Variants in DDC observed in about 807,000 individuals in gnomAD.
DDC encodes the protein dopa decarboxylase, also known as aromatic-L-amino-acid decarboxylase.
A neutral mutation model predicts 60.0 loss-of-function variants in DDC; 43 were observed. The ratio of observed to expected loss-of-function variants is 0.72; its 90% CI spans 0.56 to 0.92. The LOEUF (loss-of-function observed/expected upper bound fraction) is 0.92. Ranked by LOEUF, DDC falls within the 40% of genes least tolerant of loss-of-function variation. The probability of loss-of-function intolerance (pLI) is 0.00; values close to 1 mark genes in which losing one functional copy is unlikely to be tolerated. For synonymous variants in DDC, 232 were observed against 234.6 expected (o/e 0.99, Z 0.10); for missense variants, 573 against 620.2 (o/e 0.92, Z 0.81).
chr7:50,517,257 T>C (rs922445567), intron 6 of DDC, among the ~76,000 whole-genome samples: 10 of 152,186 alleles, frequency 6.6e-5, no homozygotes, highest in African/African-American at 2.4e-4. Context: ...GATGCAGGGA[T>C]GGTTTAATGT....
At chr7:50,482,752 T>C (rs558684883) in intron 9 of DDC, among the ~76,000 whole-genome samples, 1 of 152,340 alleles carries the variant, frequency 6.6e-6, no homozygotes, top group Admixed American at 6.5e-5. Flanking sequence ...CTGAACAGGT[T>C]TGGATATGTT....
chr7:50,494,581 A>ACACT (rs1425432500), intron 9 of DDC, among the ~76,000 whole-genome samples: 1 of 151,300 alleles, frequency 6.6e-6, no homozygotes, highest in Non-Finnish European at 1.5e-5. Flanking sequence ...ACAGAGTGAG[A>ACACT]CACTGTCTCG....
chr7:50,510,127 A>G (rs979379604), intron 6 of DDC, among the ~76,000 whole-genome samples: 5 of 152,034 alleles, frequency 3.3e-5, no homozygotes, highest in Non-Finnish European at 7.4e-5. Context: ...GACTGCCACC[A>G]TGCCCGGCTA....
chr7:50,545,555 C>T (rs1170584533), intron 1 of DDC, among the ~76,000 whole-genome samples: 1 of 152,332 alleles, frequency 6.6e-6, no homozygotes, highest in East Asian at 1.9e-4. Flanking sequence ...TCACTGCAAC[C>T]TCTGCCTCCC....
chr7:50,528,285 A>T lies in DDC; in HGVS notation c.571-5T>A. 10 of 1,614,038 alleles carry T rather than the reference A, an allele frequency of 6.2e-6. No homozygotes were observed. The highest frequency in any genetic ancestry group is 7.6e-6 in the Non-Finnish European group (9 of 1,179,950). ...TCTTTCCACTGAGGAGTGTGCCTGG[A>T]AAGAAGACAGCAGAGTTGGATTTGT... On this transcript the variant is annotated splice_region_variant and splice_polypyrimidine_tract_variant and intron_variant, in intron 5 of 14. Coordinates refer to ENST00000444124, the MANE Select transcript of DDC (RefSeq NM_001082971.2).
chr7:50,470,212 T>C (rs374931482), intron 11 of DDC, 41 bp from the exon 12 acceptor site: 1 of 1,445,956 alleles, frequency 6.9e-7, no homozygotes, highest in South Asian at 1.1e-5. Flanking sequence ...GAGGAAGATA[T>C]TAAAAGCTGG....
intron 4 of DDC, 89 bp downstream of exon 4, chr7:50,537,771 A>C: frequency 4.6e-6 from 7 of 1,514,242 alleles, no homozygotes; most frequent in Non-Finnish European, 6.4e-6. Flanking sequence ...AACTAACAAG[A>C]AGCATGAGTG....
intron 9 of DDC, among the ~76,000 whole-genome samples, chr7:50,493,466 C>G (rs1421072026): frequency 6.6e-6 from 1 of 152,216 alleles, no homozygotes; most frequent in Non-Finnish European, 1.5e-5. Context: ...TCCTTCCGAA[C>G]TCCAGCCACC....
At chr7:50,473,315 C>T (rs2042573681) in intron 11 of DDC, among the ~76,000 whole-genome samples, 1 of 152,168 alleles carries the variant, frequency 6.6e-6, no homozygotes, top group Non-Finnish European at 1.5e-5. Flanking sequence ...TACTCACACC[C>T]GGCCAACTTG....
chr7:50,481,025 G>A (rs1243314437), intron 9 of DDC, among the ~76,000 whole-genome samples: 5 of 152,278 alleles, frequency 3.3e-5, no homozygotes, highest in Middle Eastern at 6.8e-3. Flanking sequence ...AGCAAATAAA[G>A]TATCCTAAGG....
At chr7:50,497,293 A>G (rs938087741) in intron 8 of DDC, among the ~76,000 whole-genome samples, 1 of 152,226 alleles carries the variant, frequency 6.6e-6, no homozygotes, top group Non-Finnish European at 1.5e-5. Flanking sequence ...TCTGTTGCTG[A>G]TAGGATCTGG....
At chr7:50,507,183 T>C (rs1222740402) in intron 6 of DDC, among the ~76,000 whole-genome samples, 2 of 152,260 alleles carry the variant, frequency 1.3e-5, no homozygotes, top group African/African-American at 4.8e-5. Flanking sequence ...ATCTCTAGTT[T>C]AGCAATTCCT....
At chr7:50,517,927 G>T (rs2043781302) in intron 6 of DDC, among the ~76,000 whole-genome samples, 1 of 151,604 alleles carries the variant, frequency 6.6e-6, no homozygotes, top group South Asian at 2.1e-4. Flanking sequence ...ATCATAGATG[G>T]GGCCGGGCCT....
intron 1 of DDC, among the ~76,000 whole-genome samples, chr7:50,549,914 T>C (rs1585280189): frequency 6.6e-6 from 1 of 152,222 alleles, no homozygotes; most frequent in Non-Finnish European, 1.5e-5. Context: ...AAAGACATCT[T>C]GAGATAGAGT....
chr7:50,518,423 A>G (rs1436914619), intron 6 of DDC, among the ~76,000 whole-genome samples: 1 of 152,222 alleles, frequency 6.6e-6, no homozygotes, highest in Non-Finnish European at 1.5e-5. Flanking sequence ...AAGAGCCAGC[A>G]TAGTCAAAGC....
At chr7:50,463,126 TG>T in intron 14 of DDC, 86 bp downstream of exon 14, 1 of 1,064,036 alleles carries the variant, frequency 9.4e-7, no homozygotes, top group Non-Finnish European at 1.4e-6. Context: ...GTGGCCGGGC[TG>T]GGCCTGTAGC....
At chr7:50,468,252 CCCGCCCAAGGAGA>C (rs2042444924) in intron 12 of DDC, among the ~76,000 whole-genome samples, 1 of 152,244 alleles carries the variant, frequency 6.6e-6, no homozygotes, top group Admixed American at 6.5e-5. Flanking sequence ...AAAGCCGGTT[CCCGCCCAAGGAGA>C]CAGGCTTTGA....
chr7:50,530,472 T>G (rs2044169002), intron 4 of DDC, among the ~76,000 whole-genome samples: 1 of 152,166 alleles, frequency 6.6e-6, no homozygotes, highest in South Asian at 2.1e-4. Flanking sequence ...GTCAGTGGTA[T>G]TTTGTTAGGG....
intron 4 of DDC, among the ~76,000 whole-genome samples, chr7:50,529,946 A>G (rs985556614): frequency 2.6e-5 from 4 of 152,142 alleles, no homozygotes; most frequent in Admixed American, 6.5e-5. Flanking sequence ...ATGGGGTCAC[A>G]TGGCTGGGCT....
Sources: allele counts gnomAD v4.1 joint callset (sites outside exome capture counted in the v4.1 genomes callset), GRCh38; gene constraint gnomAD v4.1.1; transcripts MANE v1.5; gene names NCBI Gene and HGNC (gene_info 2026-07-23, HGNC 2026-07-21).